NDST4: variants seen among roughly 807,000 people sequenced by gnomAD.
The protein encoded by NDST4 is N-deacetylase and N-sulfotransferase 4, also known as N-heparan sulfate sulfotransferase 4.
Under a neutral mutation model 100.8 loss-of-function variants are expected in NDST4, and 63 were observed. That is an observed-to-expected ratio of 0.62 (90% CI 0.51 to 0.77). NDST4 has a LOEUF of 0.77. Ranked by LOEUF, NDST4 falls within the 30% of genes least tolerant of loss-of-function variation. NDST4 has a pLI of 0.00. For synonymous variants in NDST4, 377 were observed against 361.8 expected, an observed-to-expected ratio of 1.04 and a Z score of -0.48; for missense variants, 943 against 1,018.4, an observed-to-expected ratio of 0.93 and a Z score of 1.01.
chr4:114,984,422 C>CTGCATTGG (rs3043339), intron 2 of NDST4, among the ~76,000 whole-genome samples: 2 of 151,444 alleles, frequency 1.3e-5, no homozygotes, highest in Non-Finnish European at 2.9e-5. Flanking sequence ...TGTGATCCAC[C>CTGCATTGG]CATCCCAAAG....
In NDST4 at chr4:114,989,334, C is replaced by T. The variant is rs560286369; in HGVS notation, c.979-12060G>A. ...TGTGACTGACATTATCTACCTTTGA[C>T]ATTATTTCTTTAATAAAGACATTTT... On this transcript the variant is annotated intron_variant, in intron 2 of 13. Coordinates refer to ENST00000264363, the MANE Select transcript of NDST4 (RefSeq NM_022569.3). 2.6e-5 allele frequency among the ~76,000 whole-genome samples: 4 copies of T among 152,258 alleles called. No homozygotes were observed. In the East Asian group the frequency reaches 7.7e-4, roughly 29 times the overall value.
intron 6 of NDST4, among the ~76,000 whole-genome samples, chr4:114,909,212 A>C (rs542734801): frequency 1.3e-5 from 2 of 152,212 alleles, no homozygotes; most frequent in African/African-American, 4.8e-5. Flanking sequence ...AATGACCAAG[A>C]TAATTAAAAA....
chr4:114,916,577 T>C (rs1725174297), intron 6 of NDST4, among the ~76,000 whole-genome samples: 3 of 146,284 alleles, frequency 2.1e-5, no homozygotes, highest in African/African-American at 7.8e-5. Context: ...TGTGTGTGTG[T>C]GTGTGTTTGT....
chr4:114,932,428 T>G (rs759502548), intron 6 of NDST4, among the ~76,000 whole-genome samples: 17 of 152,070 alleles, frequency 1.1e-4, no homozygotes, highest in South Asian at 2.1e-4. Flanking sequence ...TCTTCTAAGA[T>G]TAGAAGCAAG....
chr4:115,042,923 A>G (rs1269620785), intron 2 of NDST4, among the ~76,000 whole-genome samples: 1 of 152,044 alleles, frequency 6.6e-6, no homozygotes, highest in African/African-American at 2.4e-5. Context: ...TTAGGTCTCC[A>G]AGCTTAACAA....
intron 6 of NDST4, among the ~76,000 whole-genome samples, chr4:114,934,199 T>C (rs1725575440): frequency 1.3e-5 from 2 of 152,182 alleles, no homozygotes; most frequent in African/African-American, 4.8e-5. Context: ...TTGTCATTTG[T>C]GACAACATAG....
intron 11 of NDST4, 112 bp downstream of exon 11, chr4:114,839,266 G>T: frequency 1.0e-6 from 1 of 958,284 alleles, no homozygotes; most frequent in Non-Finnish European, 1.5e-6. Context: ...GCTTGTCAGT[G>T]CAATACAATC....
chr4:115,028,999 G>C (rs1279054981), intron 2 of NDST4, among the ~76,000 whole-genome samples: 1 of 152,120 alleles, frequency 6.6e-6, no homozygotes, highest in Admixed American at 6.6e-5. Context: ...GACAAGGAGG[G>C]AGTGTTTACC....
At chr4:114,971,595 A>G (rs1726515752) in intron 3 of NDST4, among the ~76,000 whole-genome samples, 1 of 152,150 alleles carries the variant, frequency 6.6e-6, no homozygotes, top group African/African-American at 2.4e-5. Context: ...ATAAGAGAAT[A>G]AGTCCTGGCT....
chr4:114,932,083 C>G (rs924594827), intron 6 of NDST4, among the ~76,000 whole-genome samples: 2 of 151,686 alleles, frequency 1.3e-5, no homozygotes, highest in African/African-American at 4.8e-5. Flanking sequence ...AACATAGAGA[C>G]AAAAGTTCTC....
rs75080828 is a variant in NDST4, at chr4:115,038,405, C to G, written c.978+37654G>C. ...CAGCAAAGGAAAGGACAAGGAAAGC[C>G]GTCAAAGACAGTAGGAAGACTAAAT... On this transcript the variant is annotated intron_variant, in intron 2 of 13. Coordinates refer to ENST00000264363, the MANE Select transcript of NDST4 (RefSeq NM_022569.3). 5.6e-3 allele frequency among the ~76,000 whole-genome samples: 853 copies of G among 152,030 alleles called. 10 individuals are homozygous for G. Among genetic ancestry groups the G allele is most frequent in the African/African-American group, 0.02 (817 of 41,478 alleles).
chr4:115,093,455 A>G (rs967517254), intron 1 of NDST4, among the ~76,000 whole-genome samples: 1 of 152,116 alleles, frequency 6.6e-6, no homozygotes, highest in Non-Finnish European at 1.5e-5. Flanking sequence ...AGCCTGGGTG[A>G]CAGAGCAAGA....
At chr4:114,860,770 T>C (rs1300951945) in intron 7 of NDST4, among the ~76,000 whole-genome samples, 1 of 152,226 alleles carries the variant, frequency 6.6e-6, no homozygotes, top group Non-Finnish European at 1.5e-5. Context: ...TCACCTATAC[T>C]CTAGCTCATT....
At chr4:114,882,622 A>C (rs1724393575) in intron 6 of NDST4, among the ~76,000 whole-genome samples, 1 of 152,116 alleles carries the variant, frequency 6.6e-6, no homozygotes, top group South Asian at 2.1e-4. Flanking sequence ...GCATGCAAGA[A>C]CTGAGGGGCA....
chr4:114,902,164 T>C (rs1724855436), intron 6 of NDST4, among the ~76,000 whole-genome samples: 1 of 152,046 alleles, frequency 6.6e-6, no homozygotes, highest in Non-Finnish European at 1.5e-5. Context: ...ACACACTTAT[T>C]TTTTTCTCAA....
At chr4:114,937,022 T>C (rs1422129066) in intron 5 of NDST4, among the ~76,000 whole-genome samples, 1 of 152,170 alleles carries the variant, frequency 6.6e-6, no homozygotes, top group Non-Finnish European at 1.5e-5. Flanking sequence ...CTAGGAAAAG[T>C]ATGGAATCCA....
At chr4:115,014,729 A>G (rs1339946263) in intron 2 of NDST4, among the ~76,000 whole-genome samples, 2 of 152,038 alleles carry the variant, frequency 1.3e-5, no homozygotes, top group African/African-American at 2.4e-5. Context: ...AAGTGATCAC[A>G]GCAAAATCCC....
chr4:114,908,423 A>T (rs1014683085), intron 6 of NDST4, among the ~76,000 whole-genome samples: 47 of 152,270 alleles, frequency 3.1e-4, no homozygotes, highest in African/African-American at 1.1e-3. Flanking sequence ...TTTAAATCAT[A>T]TCAGTCGAAT....
At chr4:114,956,983 A>G (rs967731712) in intron 4 of NDST4, among the ~76,000 whole-genome samples, 2 of 152,214 alleles carry the variant, frequency 1.3e-5, no homozygotes, top group South Asian at 2.1e-4. Flanking sequence ...GGTGCCAGAC[A>G]TAGAAGACAA....
Sources: allele counts gnomAD v4.1 joint callset (sites outside exome capture counted in the v4.1 genomes callset), GRCh38; gene constraint gnomAD v4.1.1; transcripts MANE v1.5; gene names NCBI Gene and HGNC (gene_info 2026-07-23, HGNC 2026-07-21).